Variants in AKAP19 observed in about 807,000 individuals in gnomAD.
AKAP19 encodes A-kinase anchoring protein 19.
chr2:189,982,038 G>A, the AKAP19 span, among the ~76,000 whole-genome samples: 1 of 151,844 alleles, frequency 6.6e-6, no homozygotes, highest in African/African-American at 2.4e-5. Flanking sequence ...CTTAAATCTG[G>A]GTGTTGAACT....
At chr2:190,092,924 G>A in the AKAP19 span, among the ~76,000 whole-genome samples, 9 of 152,236 alleles carry the variant, frequency 5.9e-5, no homozygotes, top group South Asian at 4.1e-4. Flanking sequence ...TACTTACAGC[G>A]AGTCGATTGC....
the AKAP19 span, chr2:190,060,109 C>T: frequency 6.2e-7 from 1 of 1,612,570 alleles, no homozygotes; most frequent in African/African-American, 1.3e-5. Context: ...AGATCATGAC[C>T]ATTCTCATCT....
At chr2:190,172,771 T>A in the AKAP19 span, among the ~76,000 whole-genome samples, 34 of 152,300 alleles carry the variant, frequency 2.2e-4, no homozygotes, top group Admixed American at 6.5e-4. Flanking sequence ...TTTTCTCATA[T>A]TTAAAACAGA....
At chr2:190,139,796 C>T in the AKAP19 span, among the ~76,000 whole-genome samples, 1 of 152,074 alleles carries the variant, frequency 6.6e-6, no homozygotes, top group South Asian at 2.1e-4. Flanking sequence ...CCTCCCCCGG[C>T]CCCTCCCAAA....
At chr2:190,059,901 T>C in the AKAP19 span, among the ~76,000 whole-genome samples, 1 of 151,962 alleles carries the variant, frequency 6.6e-6, no homozygotes, top group Non-Finnish European at 1.5e-5. Flanking sequence ...GGATATGAAA[T>C]TGGACACCTA....
At chr2:190,119,280 G>A in the AKAP19 span, among the ~76,000 whole-genome samples, 2 of 152,174 alleles carry the variant, frequency 1.3e-5, no homozygotes, top group Non-Finnish European at 2.9e-5. Context: ...AGAGCGAGGC[G>A]GGCTCCAAAG....
At chr2:189,936,902 A>C in the AKAP19 span, among the ~76,000 whole-genome samples, 1 of 152,178 alleles carries the variant, frequency 6.6e-6, no homozygotes, top group East Asian at 1.9e-4. Context: ...AGGAGGAAGA[A>C]TCACTTGAGG....
At chr2:190,121,089 G>T in the AKAP19 span, among the ~76,000 whole-genome samples, 1 of 148,608 alleles carries the variant, frequency 6.7e-6, no homozygotes, top group South Asian at 2.2e-4. Context: ...TTTTAAAAGT[G>T]TATTCCAAAC....
At chr2:190,182,894 T>C in the AKAP19 span, among the ~76,000 whole-genome samples, 1 of 152,276 alleles carries the variant, frequency 6.6e-6, no homozygotes, top group Non-Finnish European at 1.5e-5. Context: ...TTTTTTCTCT[T>C]GGCTTGTATT....
chr2:190,050,274 G>C, the AKAP19 span, among the ~76,000 whole-genome samples: 3 of 152,322 alleles, frequency 2.0e-5, no homozygotes, highest in East Asian at 5.8e-4. Context: ...CTCAGCTGCT[G>C]TGATTGGCTG....
At chr2:190,074,621 C>G in the AKAP19 span, among the ~76,000 whole-genome samples, 1 of 149,468 alleles carries the variant, frequency 6.7e-6, no homozygotes, top group Admixed American at 6.8e-5. Flanking sequence ...CCACTGCACT[C>G]CAGCCTGGCA....
At chr2:190,057,641 G>A in the AKAP19 span, 225 of 1,612,816 alleles carry the variant, frequency 1.4e-4, no homozygotes, top group Non-Finnish European at 1.8e-4. Flanking sequence ...AACGGATTCT[G>A]TTTGAAAAGG....
the AKAP19 span, among the ~76,000 whole-genome samples, chr2:190,171,530 T>C: frequency 6.6e-6 from 1 of 152,226 alleles, no homozygotes; most frequent in South Asian, 2.1e-4. Context: ...TCTAAAATTC[T>C]TAGTTCTCTC....
the AKAP19 span, chr2:189,923,708 A>G: frequency 6.2e-7 from 1 of 1,613,886 alleles, no homozygotes; most frequent in Non-Finnish European, 8.5e-7. Context: ...TAGGATGTAC[A>G]GTTACCCAGC....
At chr2:190,025,624 A>G in the AKAP19 span, among the ~76,000 whole-genome samples, 1 of 152,206 alleles carries the variant, frequency 6.6e-6, no homozygotes. Flanking sequence ...GCCACAGCCA[A>G]TGACTGAGCA....
At chr2:189,977,857 A>G in the AKAP19 span, among the ~76,000 whole-genome samples, 1 of 152,242 alleles carries the variant, frequency 6.6e-6, no homozygotes, top group Non-Finnish European at 1.5e-5. Context: ...CAAATTTTCA[A>G]CTTTTGCCAT....
At chr2:190,184,718 T>C in the AKAP19 span, among the ~76,000 whole-genome samples, 4 of 152,014 alleles carry the variant, frequency 2.6e-5, no homozygotes, top group African/African-American at 4.8e-5. Context: ...GAAAGGGTGC[T>C]GGGTGGAGAT....
the AKAP19 span, among the ~76,000 whole-genome samples, chr2:189,966,259 G>C: frequency 5.9e-5 from 9 of 151,984 alleles, no homozygotes; most frequent in Admixed American, 2.0e-4. Context: ...CAGGTGATGG[G>C]TGCACCAAAA....
the AKAP19 span, among the ~76,000 whole-genome samples, chr2:190,044,465 A>G: frequency 2.0e-5 from 3 of 152,118 alleles, no homozygotes; most frequent in Non-Finnish European, 2.9e-5. Flanking sequence ...TGGATAAGAC[A>G]CTTTGGGTCT....
Sources: gnomAD v4.1 joint callset for allele counts (sites outside exome capture counted in the v4.1 genomes callset) on GRCh38, gnomAD v4.1.1 for gene constraint, MANE v1.5 for transcripts, NCBI Gene and HGNC (gene_info 2026-07-23, HGNC 2026-07-21) for gene names.